PTPDC1: variants seen among roughly 807,000 people sequenced by gnomAD.
PTPDC1 encodes the protein protein tyrosine phosphatase domain-containing protein 1.
PTPDC1 carries 53 observed loss-of-function variants against 75.3 expected under a neutral mutation model. The ratio of observed to expected loss-of-function variants is 0.70; its 90% CI spans 0.56 to 0.88. The LOEUF (loss-of-function observed/expected upper bound fraction) is 0.88. PTPDC1 is among the 40% of genes least tolerant of loss of function. PTPDC1 has a pLI of 0.00. For synonymous variants in PTPDC1, 349 were observed against 366.2 expected (o/e 0.95, Z 0.54); for missense variants, 925 against 998.6 (o/e 0.93, Z 0.99).
chr9:94,104,132 T>TTTAGATATTTTG, intron 7 of PTPDC1, 143 bp from the exon 8 acceptor site: 1 of 549,736 alleles, frequency 1.8e-6, no homozygotes, highest in African/African-American at 1.9e-5. Context: ...TTTGTTGATG[T>TTTAGATATTTTG]TTAGATATTT....
upstream of PTPDC1, among the ~76,000 whole-genome samples, chr9:94,079,661 C>G (rs1826812387): frequency 6.6e-6 from 1 of 152,216 alleles, no homozygotes. Flanking sequence ...CTTGAACTTT[C>G]CCATGCTGTG....
At chr9:94,071,438 G>T (rs997159997) in intron 2 of PTPDC1, among the ~76,000 whole-genome samples, 16 of 151,282 alleles carry the variant, frequency 1.1e-4, no homozygotes, top group African/African-American at 3.6e-4. Flanking sequence ...CTCCCACTCT[G>T]TAACTTACCT....
At position 94,097,343 on chromosome 9, in the gene PTPDC1, A is replaced by G. The variant is rs766387312; in HGVS notation, c.777A>G (p.Leu259=). ...GRTGVLIACY[L]VFATRMTADQ... ...TAGGTGTTTTAATAGCCTGTTACTT[A>G]GTTTTTGCAACGAGAATGACTGCTG... Residue 259 remains leucine (L), a synonymous_variant, in exon 6 of 9, where the codon TTA becomes TTG. Coordinates refer to ENST00000620992, the MANE Select transcript of PTPDC1 (RefSeq NM_001253829.2). The G allele has an allele frequency of 6.8e-6, 11 of 1,609,488 alleles. No homozygotes were observed. The East Asian group carries it at 2.5e-4, about 36-fold the overall frequency.
At chr9:94,082,460 C>T (rs930703512), upstream of PTPDC1, among the ~76,000 whole-genome samples, 2 of 152,234 alleles carry the variant, frequency 1.3e-5, no homozygotes, top group Admixed American at 1.3e-4. Context: ...GAAGAAAAGA[C>T]TCAGTACTCA....
At position 94,093,931 on chromosome 9, in the gene PTPDC1, C is replaced by T. The variant is rs539889509; in HGVS notation, c.617-1386C>T. Among the ~76,000 whole-genome samples, 1,238 of 151,614 alleles carry T rather than the reference C, an allele frequency of 8.2e-3. 14 individuals are homozygous for T. Among genetic ancestry groups the T allele is most frequent in the African/African-American group, 0.029 (1,178 of 41,330 alleles). On this transcript the variant is annotated intron_variant, in intron 4 of 8. Transcript: ENST00000620992. ...AGTTCTCGAGCCTTGGTTTTCAGCT[C>T]CATCAGCTCCTTTAAGCACTTCTCT...
chr9:94,089,169 A>G (rs917308026), intron 4 of PTPDC1, among the ~76,000 whole-genome samples: 1 of 145,376 alleles, frequency 6.9e-6, no homozygotes, highest in East Asian at 2.0e-4. Flanking sequence ...ATGCTGGTGC[A>G]CTGCACCCAC....
At chr9:94,067,661 G>A (rs1332911633) in intron 2 of PTPDC1, among the ~76,000 whole-genome samples, 1 of 151,974 alleles carries the variant, frequency 6.6e-6, no homozygotes, top group African/African-American at 2.4e-5. Flanking sequence ...GAGTGCAGTG[G>A]CACCATCTCA....
intron 2 of PTPDC1, among the ~76,000 whole-genome samples, chr9:94,075,825 C>T (rs1258261448): frequency 6.6e-6 from 1 of 152,126 alleles, no homozygotes; most frequent in African/African-American, 2.4e-5. Flanking sequence ...GGAGAATTTC[C>T]TTTAACTTTT....
intron 4 of PTPDC1, among the ~76,000 whole-genome samples, chr9:94,095,080 A>G (rs1210631080): frequency 6.6e-6 from 1 of 152,212 alleles, no homozygotes; most frequent in African/African-American, 2.4e-5. Flanking sequence ...AGCTGTTCCT[A>G]TTCGGCCATC....
chr9:94,099,729 G>A (rs1351233217), intron 6 of PTPDC1, among the ~76,000 whole-genome samples: 1 of 152,242 alleles, frequency 6.6e-6, no homozygotes, highest in Admixed American at 6.5e-5. Context: ...TGTGTTAAGA[G>A]TTAGCAAGAA....
intron 2 of PTPDC1, among the ~76,000 whole-genome samples, chr9:94,075,955 A>G (rs1380461833): frequency 6.6e-6 from 1 of 152,126 alleles, no homozygotes; most frequent in Non-Finnish European, 1.5e-5. Context: ...CACCCCAAAA[A>G]GAAACCTTGT....
chr9:94,101,485 C>G (rs1401720882), intron 6 of PTPDC1, 81 bp from the exon 7 acceptor site: 1 of 1,055,830 alleles, frequency 9.5e-7, no homozygotes, highest in Non-Finnish European at 1.4e-6. Context: ...GCGCAAGAAT[C>G]ATGCAGTGTC....
Position 94,097,783 on chromosome 9 carries a change from T to C in PTPDC1, c.1217T>C (p.Val406Ala), listed in dbSNP as rs1371466366. The change falls in exon 6 of 9, where the codon GTG becomes GCG. Residue 406 changes from valine (V) to alanine (A), a missense_variant. By Grantham distance (64) the Val-to-Ala change is moderately conservative. Coordinates refer to ENST00000620992, the MANE Select transcript of PTPDC1 (RefSeq NM_001253829.2). ...DVSNPPNPTA[V>A]AADFDNRGMI... is the part of the protein sequence containing the mutation. ...TCCAACCCGCCTAACCCCACTGCAG[T>C]GGCAGCAGATTTTGACAATCGAGGC... The C allele has an allele frequency of 1.2e-6, 2 of 1,614,148 alleles. No homozygotes were observed. Among genetic ancestry groups the C allele is most frequent in the Non-Finnish European group, 1.7e-6 (2 of 1,180,010 alleles).
intron 1 of PTPDC1, among the ~76,000 whole-genome samples, chr9:94,050,231 G>A (rs1224686182): frequency 1.2e-4 from 18 of 152,112 alleles, no homozygotes; most frequent in Admixed American, 5.2e-4. Context: ...GTCATTCTCC[G>A]TCCAGCTTTG....
intron 2 of PTPDC1, among the ~76,000 whole-genome samples, chr9:94,075,068 A>G (rs892855743): frequency 6.6e-6 from 1 of 152,180 alleles, no homozygotes; most frequent in South Asian, 2.1e-4. Context: ...CACAGCTCAC[A>G]GATAGACCCC....
rs202124335 is a variant in PTPDC1 at position 94,104,298 on chromosome 9, C to T, written c.2223C>T (p.Cys741=). Residue 741 remains cysteine, a synonymous_variant, in exon 8 of 9, where the codon TGC becomes TGT. Transcript: ENST00000620992. Reference sequence around the variant, plus strand: ...AGGGACAGCACCAGACTATTCTCTGCGTGTTGCACTGCATAGTGAACCTGC... The same window carrying T: ...AGGGACAGCACCAGACTATTCTCTGTGTGTTGCACTGCATAGTGAACCTGC... ...LEKGQHQTIL[C]VLHCIVNLQT... 130 of 1,613,310 alleles carry T rather than the reference C, an allele frequency of 8.1e-5. No homozygotes were observed. Among genetic ancestry groups the T allele is most frequent in the Middle Eastern group, 1.7e-4 (1 of 6,050 alleles).
chr9:94,086,823 C>A (rs892993605), intron 2 of PTPDC1, among the ~76,000 whole-genome samples: 2 of 152,134 alleles, frequency 1.3e-5, no homozygotes, highest in African/African-American at 4.8e-5. Flanking sequence ...CCAGAGAGAC[C>A]AAGTAATTTG....
intron 1 of PTPDC1, among the ~76,000 whole-genome samples, chr9:94,046,007 G>T (rs1447375073): frequency 1.3e-5 from 2 of 152,238 alleles, no homozygotes; most frequent in East Asian, 3.9e-4. Flanking sequence ...AATCCATCTT[G>T]AATTAATTTT....
At position 94,097,427 on chromosome 9, in the gene PTPDC1, G is replaced by A; in HGVS notation, c.861G>A (p.Gln287=). ...KRPNSIQTRG[Q]LLCVREFTQF... ...CCAATTCCATACAAACCAGAGGACA[G>A]CTCCTCTGTGTAAGGGAATTTACTC... Residue 287 remains glutamine, a synonymous_variant, in exon 6 of 9, where the codon CAG becomes CAA. Transcript: ENST00000620992. 7 of 1,613,538 alleles carry A rather than the reference G, an allele frequency of 4.3e-6. No individual in the cohort carries two copies. Among genetic ancestry groups the A allele is most frequent in the Non-Finnish European group, 5.9e-6 (7 of 1,179,440 alleles).
Sources: gnomAD v4.1 joint callset for allele counts (sites outside exome capture counted in the v4.1 genomes callset) on GRCh38, gnomAD v4.1.1 for gene constraint, MANE v1.5 for transcripts, NCBI Gene and HGNC (gene_info 2026-07-23, HGNC 2026-07-21) for gene names.